The following SLC36A1 variants were observed in gnomAD, a reference collection of about 807,000 sequenced individuals.
The protein encoded by SLC36A1 is solute carrier family 36 member 1, also known as proton-coupled amino acid transporter 1.
In SLC36A1, 30 loss-of-function variants were observed where a neutral mutation model predicts 47.5. That is an observed-to-expected ratio of 0.63 (90% CI 0.47 to 0.86). The LOEUF (loss-of-function observed/expected upper bound fraction) is 0.86. Among genes scored for constraint, SLC36A1 ranks in the 40% least tolerant of loss-of-function variants. The pLI is 0.00. For synonymous variants in SLC36A1, 255 were observed against 249.7 expected (o/e 1.02, Z -0.20); for missense variants, 517 against 606.0 (o/e 0.85, Z 1.54).
At chr5:151,362,308 A>G in the SLC36A1 span, among the ~76,000 whole-genome samples, 22 of 150,266 alleles carry the variant, frequency 1.5e-4, no homozygotes, top group African/African-American at 5.4e-4. Context: ...CACTGTTTCT[A>G]TATAGTATTG....
chr5:151,532,044 C>T, the SLC36A1 span: 1 of 1,559,892 alleles, frequency 6.4e-7, no homozygotes, highest in Non-Finnish European at 8.7e-7. Context: ...AACCCTGCAG[C>T]CACAGGAGGG....
At chr5:151,351,690 C>T in the SLC36A1 span, among the ~76,000 whole-genome samples, 15 of 152,174 alleles carry the variant, frequency 9.9e-5, 1 homozygote, top group Admixed American at 9.2e-4. Flanking sequence ...CGAGAGCTAC[C>T]ATTTATTAAG....
chr5:151,373,300 G>A, the SLC36A1 span, among the ~76,000 whole-genome samples: 6 of 151,794 alleles, frequency 4.0e-5, no homozygotes, highest in South Asian at 2.1e-4. Context: ...CCAAAATAAA[G>A]AGGATAAGGA....
chr5:151,488,051 G>A lies in SLC36A1; in HGVS notation c.1228G>A (p.Ala410Thr), dbSNP rs891256866. 8 of 1,613,934 alleles carry A rather than the reference G, an allele frequency of 5.0e-6. No individual in the cohort carries two copies. Among genetic ancestry groups the A allele is most frequent in the East Asian group, 4.5e-5 (2 of 44,876 alleles). ...CCTGGTGGGCTCCGTGAGCAGCAGC[G>A]CCCTGGCCCTCATCATCCCACCGCT... ...ISLVGSVSSSALALIIPPLLE... is the reference protein window; with the variant it reads ...ISLVGSVSSSTLALIIPPLLE... The change falls in exon 11 of 11, where the codon GCC becomes ACC. Residue 410 changes from alanine to threonine, a missense_variant. Physicochemically the swap from Ala to Thr is moderately conservative, Grantham distance 58. Transcript: ENST00000243389.
chr5:151,461,916 C>T (rs895255092), intron 2 of SLC36A1, among the ~76,000 whole-genome samples: 1 of 150,048 alleles, frequency 6.7e-6, no homozygotes, highest in South Asian at 2.1e-4. Context: ...TGTCTTAAGG[C>T]AAAGACCTCG....
intron 5 of SLC36A1, 98 bp downstream of exon 5, chr5:151,465,267 G>A: frequency 1.0e-6 from 1 of 974,032 alleles, no homozygotes; most frequent in East Asian, 2.4e-5. Context: ...CGTGGAAAGA[G>A]TGCTGTTTGG....
chr5:151,505,530 T>C, the SLC36A1 span: 1 of 1,612,612 alleles, frequency 6.2e-7, no homozygotes, highest in South Asian at 1.1e-5. Context: ...GTCCAGTCCT[T>C]GGCCTCCCGC....
intron 1 of SLC36A1, among the ~76,000 whole-genome samples, chr5:151,456,060 G>A (rs55683494): frequency 0.13 from 20,383 of 152,134 alleles, 1,517 homozygotes; most frequent in East Asian, 0.26. Flanking sequence ...CTCTGGACCC[G>A]TAATTTAAAG....
chr5:151,382,210 A>T, the SLC36A1 span: 1 of 1,229,344 alleles, frequency 8.1e-7, no homozygotes, highest in Non-Finnish European at 1.2e-6. Flanking sequence ...TCCTGGGTGA[A>T]CCTCATCTGC....
At chr5:151,437,122 G>A (rs1048623824) in exon 1 of SLC36A1, 2 of 152,216 alleles carry the variant, frequency 1.3e-5, no homozygotes, top group African/African-American at 4.8e-5. Context: ...GTTTCAGAAG[G>A]ATCTACTAGT....
chr5:151,514,933 C>G, the SLC36A1 span, among the ~76,000 whole-genome samples: 8,268 of 152,282 alleles, frequency 0.054, 438 homozygotes, highest in East Asian at 0.25. Flanking sequence ...TGTTATTGCT[C>G]TAATCTTTAT....
chr5:151,374,039 T>C, the SLC36A1 span, among the ~76,000 whole-genome samples: 19 of 152,300 alleles, frequency 1.2e-4, no homozygotes, highest in Non-Finnish European at 2.1e-4. Context: ...GAATAACACC[T>C]TCCTTCTCAG....
At chr5:151,481,577 TC>T (rs1441754478) in intron 10 of SLC36A1, among the ~76,000 whole-genome samples, 2 of 152,144 alleles carry the variant, frequency 1.3e-5, no homozygotes, top group Non-Finnish European at 2.9e-5. Context: ...TCCTATCTTT[TC>T]CCCAACTTTT....
chr5:151,549,156 G>A, the SLC36A1 span: 1 of 728,658 alleles, frequency 1.4e-6, no homozygotes, highest in African/African-American at 1.8e-5. Context: ...GGTAGTCCCA[G>A]GGAATGCTCT....
chr5:151,364,325 A>G, the SLC36A1 span, among the ~76,000 whole-genome samples: 1 of 152,208 alleles, frequency 6.6e-6, no homozygotes, highest in Admixed American at 6.5e-5. Context: ...AAATCCATAC[A>G]TAGACCTTCA....
the SLC36A1 span, among the ~76,000 whole-genome samples, chr5:151,538,677 T>G: frequency 1.3e-5 from 2 of 152,142 alleles, no homozygotes; most frequent in Non-Finnish European, 2.9e-5. Context: ...TTTATTTATT[T>G]TCTTGTTTTC....
chr5:151,416,445 G>A, the SLC36A1 span, among the ~76,000 whole-genome samples: 2 of 152,202 alleles, frequency 1.3e-5, no homozygotes, highest in Non-Finnish European at 2.9e-5. Context: ...ACACAATGTG[G>A]TGCCAAAATG....
chr5:151,482,906 A>G (rs1759001271), intron 10 of SLC36A1, among the ~76,000 whole-genome samples: 1 of 152,162 alleles, frequency 6.6e-6, no homozygotes, highest in African/African-American at 2.4e-5. Flanking sequence ...GTGTGGTGGC[A>G]GGTGCCTGTA....
At chr5:151,483,518 G>GTGA (rs57968429) in intron 10 of SLC36A1, among the ~76,000 whole-genome samples, 3 of 138,168 alleles carry the variant, frequency 2.2e-5, no homozygotes, top group African/African-American at 9.0e-5. Flanking sequence ...TTGTGTGTGT[G>GTGA]GGGGGGGTGA....
Sources: gnomAD v4.1 joint callset for allele counts (sites outside exome capture counted in the v4.1 genomes callset) on GRCh38, gnomAD v4.1.1 for gene constraint, MANE v1.5 for transcripts, NCBI Gene and HGNC (gene_info 2026-07-23, HGNC 2026-07-21) for gene names.